The following COG5 variants were observed in gnomAD, a reference collection of about 807,000 sequenced individuals.
COG5 encodes the protein component of oligomeric golgi complex 5, also known as conserved oligomeric Golgi complex subunit 5.
A neutral mutation model predicts 110.4 loss-of-function variants in COG5; 86 were observed. The observed-to-expected ratio is 0.78, with a 90% CI of 0.65 to 0.93. COG5 has a LOEUF of 0.93. Ranked by LOEUF, COG5 falls within the 40% of genes least tolerant of loss-of-function variation. The pLI, the probability that COG5 is intolerant of heterozygous loss-of-function variation, is 0.00. For missense variants in COG5, 1,077 were observed against 987.0 expected, an observed-to-expected ratio of 1.09 and a Z score of -1.22; for synonymous variants, 360 against 334.6, an observed-to-expected ratio of 1.08 and a Z score of -0.83.
chr7:107,345,422 T>C (rs1464886444), intron 10 of COG5, among the ~76,000 whole-genome samples: 4 of 152,072 alleles, frequency 2.6e-5, no homozygotes, highest in African/African-American at 9.7e-5. Context: ...AAAATAAAAA[T>C]GCAGTATCTG....
intron 5 of COG5, among the ~76,000 whole-genome samples, chr7:107,546,436 T>TTTTTTTTTG (rs1802457304): frequency 3.5e-5 from 2 of 57,604 alleles, no homozygotes; most frequent in Non-Finnish European, 8.4e-5. Flanking sequence ...TGGTTTTTTG[T>TTTTTTTTTG]TTTTTTTTTT....
At chr7:107,505,410 T>C (rs1416859876) in intron 6 of COG5, among the ~76,000 whole-genome samples, 1 of 152,120 alleles carries the variant, frequency 6.6e-6, no homozygotes, top group Non-Finnish European at 1.5e-5. Flanking sequence ...AATGTTGATG[T>C]TTCAAGTGGA....
intron 11 of COG5, among the ~76,000 whole-genome samples, chr7:107,319,387 A>T (rs2299422): frequency 0.16 from 24,665 of 152,134 alleles, 2,375 homozygotes; most frequent in Non-Finnish European, 0.22. Context: ...GTGATACTAT[A>T]TTGTTAAGTG....
At chr7:107,327,254 A>G (rs560579829) in intron 10 of COG5, among the ~76,000 whole-genome samples, 23 of 152,314 alleles carry the variant, frequency 1.5e-4, no homozygotes, top group Admixed American at 9.1e-4. Flanking sequence ...GCAAAAGAAT[A>G]AAGTTGAAAC....
intron 10 of COG5, among the ~76,000 whole-genome samples, chr7:107,344,775 C>T (rs182763148): frequency 2.6e-5 from 4 of 152,300 alleles, no homozygotes; most frequent in East Asian, 1.9e-4. Context: ...TCACCCACCT[C>T]GGCCTCCCAA....
At chr7:107,381,157 A>G (rs1246024812) in intron 7 of COG5, among the ~76,000 whole-genome samples, 1 of 152,194 alleles carries the variant, frequency 6.6e-6, no homozygotes, top group African/African-American at 2.4e-5. Context: ...ACAAAATAAA[A>G]TCGTTTATGT....
At chr7:107,481,510 A>T (rs989386726) in intron 6 of COG5, among the ~76,000 whole-genome samples, 3 of 152,174 alleles carry the variant, frequency 2.0e-5, no homozygotes, top group African/African-American at 7.2e-5. Flanking sequence ...TACTTCAATC[A>T]GCCAGTAATA....
At position 107,361,151 on chromosome 7, in the gene COG5, T is replaced by C. The variant is rs535509774; in HGVS notation, c.1026+882A>G. Among the ~76,000 whole-genome samples, 4 of 152,292 alleles carry C rather than the reference T, an allele frequency of 2.6e-5. No homozygotes were observed. The South Asian group carries it at 8.3e-4, about 32-fold the overall frequency. ...TTCTTTGGGCTACTGGAGGTTAGGATTTAACAATCGGTAGAATCATTATCC... is the reference window on the plus strand; with the variant it reads ...TTCTTTGGGCTACTGGAGGTTAGGACTTAACAATCGGTAGAATCATTATCC... On this transcript the variant is annotated intron_variant, in intron 10 of 21. Transcript: ENST00000297135.
chr7:107,483,875 C>T (rs1797494742), intron 6 of COG5, among the ~76,000 whole-genome samples: 3 of 110,184 alleles, frequency 2.7e-5, no homozygotes, highest in East Asian at 2.6e-4. Flanking sequence ...CAAAATGTCA[C>T]GGGTATGGTT....
chr7:107,230,354 T>A (rs1489828028), intron 19 of COG5, among the ~76,000 whole-genome samples: 22 of 151,952 alleles, frequency 1.4e-4, no homozygotes. Context: ...AAAAAAAAAT[T>A]CTCCCCAAGA....
chr7:107,408,790 A>G (rs1272201382), intron 7 of COG5, among the ~76,000 whole-genome samples: 1 of 152,194 alleles, frequency 6.6e-6, no homozygotes, highest in African/African-American at 2.4e-5. Context: ...AAGCTATCAA[A>G]TGCAATGAAG....
intron 6 of COG5, among the ~76,000 whole-genome samples, chr7:107,499,209 G>A (rs547420956): frequency 6.6e-6 from 1 of 152,018 alleles, no homozygotes; most frequent in Non-Finnish European, 1.5e-5. Context: ...AGATAAGTAA[G>A]TTCTAGAGAT....
chr7:107,365,785 C>A (rs776351107), intron 8 of COG5, among the ~76,000 whole-genome samples: 1 of 151,780 alleles, frequency 6.6e-6, no homozygotes, highest in Non-Finnish European at 1.5e-5. Flanking sequence ...TTACTGGTAG[C>A]CATACTAAGC....
At chr7:107,375,055 A>C (rs1467830328) in intron 7 of COG5, among the ~76,000 whole-genome samples, 1 of 151,994 alleles carries the variant, frequency 6.6e-6, no homozygotes, top group African/African-American at 2.4e-5. Context: ...AAATATTATC[A>C]CTATCATTAC....
Position 107,420,329 on chromosome 7 carries a change from G to T in COG5, c.539-7697C>A, listed in dbSNP as rs1216114336. Reference sequence around the variant, plus strand: ...TTTTGTAGACCATAAACAACTACATGTAAGTTATTAGTTATTATTTTCATA... The same window carrying T: ...TTTTGTAGACCATAAACAACTACATTTAAGTTATTAGTTATTATTTTCATA... On this transcript the variant is annotated intron_variant, in intron 6 of 21. Coordinates refer to ENST00000297135, the MANE Select transcript of COG5 (RefSeq NM_006348.5). 2.0e-5 allele frequency among the ~76,000 whole-genome samples: 3 copies of T among 152,224 alleles called. No individual in the cohort carries two copies. In the East Asian group the frequency reaches 5.8e-4, roughly 29 times the overall value.
chr7:107,339,341 C>A (rs1810991395), intron 10 of COG5, among the ~76,000 whole-genome samples: 1 of 152,066 alleles, frequency 6.6e-6, no homozygotes, highest in South Asian at 2.1e-4. Context: ...AAATATACAT[C>A]CACCCAACAT....
At chr7:107,282,650 T>C (rs1327422459) in intron 13 of COG5, among the ~76,000 whole-genome samples, 1 of 151,996 alleles carries the variant, frequency 6.6e-6, no homozygotes, top group Non-Finnish European at 1.5e-5. Flanking sequence ...GCCTCCCGAG[T>C]AGCTGGGGTT....
In COG5 at chr7:107,362,409, G is replaced by T. The variant is rs548774836; in HGVS notation, c.847C>A (p.Arg283=). Residue 283 remains arginine (R), a synonymous_variant, in exon 9 of 22, where the codon CGA becomes AGA. Transcript: ENST00000297135. ...SQSAVRGGPG[R]STMPTPGNTA... ...TTTCCTGGGGTTGGCATGGTAGATC[G>T]TCCAGGTCCCCCTGGTTATGAGTGA... 1.2e-6 allele frequency: 2 copies of T among 1,612,358 alleles called. No individual in the cohort carries two copies. Among genetic ancestry groups the T allele is most frequent in the Non-Finnish European group, 1.7e-6 (2 of 1,178,586 alleles).
At chr7:107,292,132 G>A (rs1806228575) in intron 12 of COG5, among the ~76,000 whole-genome samples, 1 of 151,998 alleles carries the variant, frequency 6.6e-6, no homozygotes, top group Admixed American at 6.6e-5. Context: ...GACTTCCCAG[G>A]CCCAAGTGAT....
Sources: allele counts gnomAD v4.1 joint callset (sites outside exome capture counted in the v4.1 genomes callset), GRCh38; gene constraint gnomAD v4.1.1; transcripts MANE v1.5; gene names NCBI Gene and HGNC (gene_info 2026-07-23, HGNC 2026-07-21).